CDC42BPA: variants seen among roughly 807,000 people sequenced by gnomAD.
The protein encoded by CDC42BPA is serine/threonine-protein kinase MRCK alpha.
In CDC42BPA, 80 loss-of-function variants were observed where a neutral mutation model predicts 223.5. The ratio of observed to expected loss-of-function variants is 0.36; its 90% confidence interval spans 0.30 to 0.43. CDC42BPA has a LOEUF of 0.43. Among genes scored for constraint, CDC42BPA ranks in the 20% least tolerant of loss-of-function variants. CDC42BPA has a pLI of 1.00. For synonymous variants in CDC42BPA, 694 were observed against 718.6 expected, an observed-to-expected ratio of 0.97 and a Z score of 0.55; for missense variants, 1,743 against 2,099.9, an observed-to-expected ratio of 0.83 and a Z score of 3.32.
chr1:227,102,969 A>T (rs954636846), intron 14 of CDC42BPA, among the ~76,000 whole-genome samples: 21 of 132,642 alleles, frequency 1.6e-4, no homozygotes, highest in Admixed American at 1.4e-3. Flanking sequence ...ACCATTACAT[A>T]AAAAAAACCA....
intron 28 of CDC42BPA, among the ~76,000 whole-genome samples, chr1:227,030,741 CTT>C (rs1423492935): frequency 6.6e-6 from 1 of 152,104 alleles, no homozygotes; most frequent in Non-Finnish European, 1.5e-5. Context: ...TTGTTCTACA[CTT>C]ATTGTTTTGG....
chr1:226,995,623 TA>T (rs555616359), intron 35 of CDC42BPA, among the ~76,000 whole-genome samples: 17 of 152,164 alleles, frequency 1.1e-4, no homozygotes, highest in Admixed American at 5.9e-4. Context: ...AGATGTAAAA[TA>T]AAAGTGAGGT....
At chr1:227,306,874 T>G (rs1692649193) in intron 1 of CDC42BPA, among the ~76,000 whole-genome samples, 1 of 152,186 alleles carries the variant, frequency 6.6e-6, no homozygotes, top group Non-Finnish European at 1.5e-5. Flanking sequence ...CTTGAGTGCT[T>G]TTAATAGTAT....
At chr1:227,082,271 T>C (rs1680846160) in intron 16 of CDC42BPA, among the ~76,000 whole-genome samples, 1 of 151,908 alleles carries the variant, frequency 6.6e-6, no homozygotes, top group African/African-American at 2.4e-5. Flanking sequence ...GTCTCAAGAT[T>C]CCTGGGCTCA....
At chr1:227,271,731 T>C (rs1685989874) in intron 1 of CDC42BPA, among the ~76,000 whole-genome samples, 1 of 152,208 alleles carries the variant, frequency 6.6e-6, no homozygotes, top group Admixed American at 6.5e-5. Context: ...TAACTCTTCA[T>C]GTATTTAACT....
intron 35 of CDC42BPA, among the ~76,000 whole-genome samples, 170 bp from the exon 36 acceptor site, chr1:226,995,150 C>A (rs1034250951): frequency 6.6e-6 from 1 of 152,202 alleles, no homozygotes; most frequent in Non-Finnish European, 1.5e-5. Flanking sequence ...AACCCCGAAT[C>A]CAGCAATCTC....
intron 1 of CDC42BPA, among the ~76,000 whole-genome samples, chr1:227,297,429 C>G (rs988631452): frequency 1.3e-5 from 2 of 152,062 alleles, no homozygotes; most frequent in African/African-American, 4.8e-5. Flanking sequence ...AAATATCACT[C>G]CTAAGCATAT....
At chr1:227,262,053 A>T (rs982212586) in intron 1 of CDC42BPA, among the ~76,000 whole-genome samples, 3 of 152,146 alleles carry the variant, frequency 2.0e-5, no homozygotes, top group African/African-American at 7.2e-5. Flanking sequence ...AATTGAAAAA[A>T]AATTAAACTA....
Position 227,147,372 on chromosome 1 carries a change from A to G in CDC42BPA, c.881T>C (p.Ile294Thr). 6.2e-7 allele frequency: 1 copy of G among 1,610,590 alleles called. No homozygotes were observed. Among genetic ancestry groups the G allele is most frequent in the Non-Finnish European group, 8.5e-7 (1 of 1,178,410 alleles). Residue 294 changes from isoleucine to threonine, a missense_variant, in exon 7 of 37, where the codon ATC becomes ACC. Physicochemically the swap from Ile to Thr is moderately conservative, Grantham distance 89 (BLOSUM62 -1). This residue lies in a region of CDC42BPA where 321 missense variants were observed against 488.7 expected (regional missense o/e 0.66). Transcript: ENST00000366766. ...AAACATACTAACTTTGTGGTTCATG[A>G]TTTTTCCGTATGTCTCCACCAGCGA... ...AESLVETYGK[I>T]MNHKERFQFP...
At chr1:227,211,143 T>C (rs1197084407) in intron 3 of CDC42BPA, among the ~76,000 whole-genome samples, 1 of 152,164 alleles carries the variant, frequency 6.6e-6, no homozygotes, top group African/African-American at 2.4e-5. Flanking sequence ...AATTCAGTCT[T>C]AGGGAAATTA....
chr1:227,306,307 G>A (rs1046081796), intron 1 of CDC42BPA, among the ~76,000 whole-genome samples: 8 of 152,074 alleles, frequency 5.3e-5, no homozygotes, highest in African/African-American at 1.9e-4. Flanking sequence ...TAACCCATTT[G>A]TACATGTTTA....
chr1:227,061,297 C>A (rs919041993), intron 21 of CDC42BPA, among the ~76,000 whole-genome samples: 2 of 152,146 alleles, frequency 1.3e-5, no homozygotes, highest in Admixed American at 6.5e-5. Flanking sequence ...CTCCCTTCTT[C>A]CTTAATAATC....
intron 5 of CDC42BPA, among the ~76,000 whole-genome samples, chr1:227,181,669 C>A (rs1166683634): frequency 2.0e-5 from 3 of 152,094 alleles, no homozygotes; most frequent in Non-Finnish European, 2.9e-5. Flanking sequence ...AGTATTTCCT[C>A]CAGTTCTATG....
chr1:227,134,898 A>C (rs1658178401), intron 10 of CDC42BPA, among the ~76,000 whole-genome samples: 1 of 152,246 alleles, frequency 6.6e-6, no homozygotes, highest in Non-Finnish European at 1.5e-5. Flanking sequence ...GCAACAGGTC[A>C]CTGCTTTGTT....
Position 227,220,288 on chromosome 1 carries a change from A to G in CDC42BPA, c.271-7069T>C, listed in dbSNP as rs1274501424. Among the ~76,000 whole-genome samples the G allele has an allele frequency of 2.3e-5, 2 of 88,368 alleles. 1 individual carries two copies. The highest frequency in any genetic ancestry group is 2.4e-4 in the Admixed American group (2 of 8,274). The allele number at this position is 88,368 out of a possible 152,430, so 58.0% of individuals were successfully genotyped here. On this transcript the variant is annotated intron_variant, in intron 2 of 36. Coordinates refer to ENST00000366766, the MANE Select transcript of CDC42BPA (RefSeq NM_001394014.1). ...TTAATGAAAAAAAGTCATGTTATAT[A>G]TATATATATATATATATATATATAC...
chr1:227,158,239 C>A (rs1051938554), intron 6 of CDC42BPA, among the ~76,000 whole-genome samples: 5 of 152,148 alleles, frequency 3.3e-5, no homozygotes, highest in Non-Finnish European at 7.4e-5. Context: ...GGATTACAGG[C>A]GTGAGCCACT....
At chr1:227,022,830 A>T (rs900789370) in intron 32 of CDC42BPA, among the ~76,000 whole-genome samples, 1 of 152,044 alleles carries the variant, frequency 6.6e-6, no homozygotes, top group South Asian at 2.1e-4. Context: ...GCTTCTTCCT[A>T]TGCTGACATC....
At chr1:227,282,666 C>T (rs2148584552) in intron 1 of CDC42BPA, among the ~76,000 whole-genome samples, 1 of 152,314 alleles carries the variant, frequency 6.6e-6, no homozygotes, top group African/African-American at 2.4e-5. Flanking sequence ...CAAAGAAGCA[C>T]AGCTCTACCT....
chr1:227,226,184 T>C (rs931337569), intron 2 of CDC42BPA, among the ~76,000 whole-genome samples: 4 of 152,236 alleles, frequency 2.6e-5, no homozygotes, highest in African/African-American at 9.6e-5. Context: ...CACTAGCCAA[T>C]TGGTTTGTAA....
Sources: gnomAD v4.1 joint callset for allele counts (sites outside exome capture counted in the v4.1 genomes callset) on GRCh38, gnomAD v4.1.1 for gene constraint, gnomAD v4.1.1 regional missense constraint, MANE v1.5 for transcripts, NCBI Gene and HGNC (gene_info 2026-07-23, HGNC 2026-07-21) for gene names.